The following LRBA variants were observed in gnomAD, a reference collection of about 807,000 sequenced individuals.
LRBA encodes lipopolysaccharide-responsive and beige-like anchor protein.
LRBA carries 176 observed loss-of-function variants against 330.0 expected under a neutral mutation model. The ratio of observed to expected loss-of-function variants is 0.53; its 90% CI spans 0.47 to 0.60. The LOEUF is 0.60. LRBA is among the 20% of genes least tolerant of loss of function. The pLI is 0.00. For missense variants in LRBA, 3,259 were observed against 3,444.8 expected, an observed-to-expected ratio of 0.95 and a Z score of 1.35; for synonymous variants, 1,230 against 1,193.0, an observed-to-expected ratio of 1.03 and a Z score of -0.64.
chr4:150,441,510 A>C (rs1751838563), intron 44 of LRBA, among the ~76,000 whole-genome samples: 1 of 152,122 alleles, frequency 6.6e-6, no homozygotes, highest in South Asian at 2.1e-4. Flanking sequence ...ACTTTGGTCT[A>C]ATATTAGTAA....
intron 47 of LRBA, among the ~76,000 whole-genome samples, chr4:150,392,246 C>T (rs1744081325): frequency 6.6e-6 from 1 of 152,108 alleles, no homozygotes; most frequent in Non-Finnish European, 1.5e-5. Context: ...AATTTTATTT[C>T]CTCACAGTTC....
intron 36 of LRBA, among the ~76,000 whole-genome samples, chr4:150,727,467 T>C (rs1388503847): frequency 1.3e-5 from 2 of 152,004 alleles, no homozygotes; most frequent in African/African-American, 4.8e-5. Flanking sequence ...ATACGTTAGG[T>C]CACAAAACAA....
At chr4:150,665,526 C>G (rs1430501256) in intron 37 of LRBA, among the ~76,000 whole-genome samples, 2 of 152,230 alleles carry the variant, frequency 1.3e-5, no homozygotes, top group East Asian at 3.9e-4. Context: ...ACAGCTCCAT[C>G]ATGCCAAGAA....
At chr4:150,964,362 G>A (rs964947933) in intron 2 of LRBA, among the ~76,000 whole-genome samples, 9 of 149,852 alleles carry the variant, frequency 6.0e-5, no homozygotes, top group Non-Finnish European at 1.2e-4. Context: ...TGATGACGAT[G>A]GCGGTTTTGT....
At chr4:150,884,342 TGA>T (rs1181769577) in intron 17 of LRBA, among the ~76,000 whole-genome samples, 1 of 151,950 alleles carries the variant, frequency 6.6e-6, no homozygotes, top group Non-Finnish European at 1.5e-5. Flanking sequence ...ATAGAAAGAT[TGA>T]GATAAGTACT....
At chr4:150,792,855 C>T (rs1393358128) in intron 34 of LRBA, among the ~76,000 whole-genome samples, 1 of 151,954 alleles carries the variant, frequency 6.6e-6, no homozygotes, top group Non-Finnish European at 1.5e-5. Flanking sequence ...CCTAGGCGGG[C>T]GAATCACCTG....
At chr4:150,917,466 T>C (rs1022065635) in intron 5 of LRBA, among the ~76,000 whole-genome samples, 9 of 152,148 alleles carry the variant, frequency 5.9e-5, no homozygotes, top group African/African-American at 2.2e-4. Flanking sequence ...ACTGGGTATA[T>C]GCTGCTTTTA....
rs374929184 is a variant in LRBA, at chr4:150,871,371, T to C, written c.2341A>G (p.Met781Val). Residue 781 changes from methionine to valine, a missense_variant, in exon 19 of 57, where the codon ATG becomes GTG. By Grantham distance (21) the Met-to-Val change is conservative. Coordinates refer to ENST00000651943, the MANE Select transcript of LRBA (RefSeq NM_001364905.1). ...TCAAACAGCACATTATATGTGGTCA[T>C]TGTGATTAAATTTGTCTGAAGCATG... Reference protein sequence around the residue: ...RLMLQTNLITMTTYNVLFEIL... With the variant: ...RLMLQTNLITVTTYNVLFEIL... 3.7e-6 allele frequency: 6 copies of C among 1,610,096 alleles called. No homozygotes were observed. The highest frequency in any genetic ancestry group is 1.3e-5 in the African/African-American group (1 of 74,882).
In LRBA at chr4:150,410,683, T is replaced by C. The variant is rs568836796; in HGVS notation, c.7194+4755A>G. Among the ~76,000 whole-genome samples the C allele has an allele frequency of 5.3e-5, 8 of 152,302 alleles. No homozygotes were observed. The East Asian group carries it at 1.5e-3, about 29-fold the overall frequency. On this transcript the variant is annotated intron_variant, in intron 47 of 56. Transcript: ENST00000651943. ...AATCTCCAAATAGGGATATTGTCTC[T>C]TATTCATCGAATCTAATAGTGCTGG... is the stretch of plus-strand genomic sequence containing the variant.
intron 48 of LRBA, among the ~76,000 whole-genome samples, chr4:150,333,073 A>T (rs1465347136): frequency 6.6e-6 from 1 of 152,174 alleles, no homozygotes; most frequent in East Asian, 1.9e-4. Flanking sequence ...AAGAAATAAG[A>T]GATAAAAGTA....
chr4:150,995,875 A>C (rs1466290142), intron 2 of LRBA, among the ~76,000 whole-genome samples: 1 of 152,144 alleles, frequency 6.6e-6, no homozygotes, highest in Non-Finnish European at 1.5e-5. Context: ...TTAAATATAG[A>C]AGCCAGAGCA....
At chr4:150,844,583 T>A in intron 27 of LRBA, 75 bp downstream of exon 27, 1 of 1,337,670 alleles carries the variant, frequency 7.5e-7, no homozygotes, top group Non-Finnish European at 1.0e-6. Flanking sequence ...AACTTTATGT[T>A]GAAATGAACA....
At chr4:150,985,499 G>GTT (rs1371910902) in intron 2 of LRBA, among the ~76,000 whole-genome samples, 1 of 142,704 alleles carries the variant, frequency 7.0e-6, no homozygotes, top group Non-Finnish European at 1.5e-5. Flanking sequence ...TTAATATATA[G>GTT]TTTTTTTTTT....
Position 150,868,248 on chromosome 4 carries a change from A to G in LRBA, c.2507T>C (p.Met836Thr), listed in dbSNP as rs1359927823. Reference protein sequence around the residue: ...LRNSPQCPESMEVRRAFLSDM... With the variant: ...LRNSPQCPESTEVRRAFLSDM... ...AGAAAGAAAGGCTCTGCGAACCTCC[A>G]TGCTCTCTGGGCACTGGGGAGAATT... The change falls in exon 21 of 57, where the codon ATG becomes ACG. Residue 836 changes from methionine to threonine, a missense_variant. Transcript: ENST00000651943. The G allele has an allele frequency of 6.2e-7, 1 of 1,612,342 alleles. No homozygotes were observed. Among genetic ancestry groups the G allele is most frequent in the African/African-American group, 1.3e-5 (1 of 74,908 alleles).
rs115862897 is a variant in LRBA, at chr4:150,510,354, C to T, written c.6331-19319G>A. On this transcript the variant is annotated intron_variant, in intron 40 of 56. Transcript: ENST00000651943. ...CCAGAATATTAAAGAGGAAAGAATA[C>T]GTGCCAACTCGTTCTATGAGGTCAG... is the stretch of plus-strand genomic sequence containing the variant. Among the ~76,000 whole-genome samples the T allele has an allele frequency of 8.7e-3, 1,330 of 152,148 alleles. 7 individuals are homozygous for T. The highest frequency in any genetic ancestry group is 0.015 in the Non-Finnish European group (1,025 of 68,024).
chr4:150,373,177 G>GAGAGAGAGAGAC (rs1407517990), intron 47 of LRBA, among the ~76,000 whole-genome samples: 8 of 146,358 alleles, frequency 5.5e-5, no homozygotes, highest in African/African-American at 1.8e-4. Flanking sequence ...GTGTGTGAGA[G>GAGAGAGAGAGAC]AGAGAGAGAG....
intron 31 of LRBA, among the ~76,000 whole-genome samples, chr4:150,810,138 GA>G (rs2126733991): frequency 6.6e-6 from 1 of 152,232 alleles, no homozygotes; most frequent in Non-Finnish European, 1.5e-5. Context: ...GAACTTTCCT[GA>G]AACATGCTTG....
intron 40 of LRBA, among the ~76,000 whole-genome samples, chr4:150,547,603 T>C (rs970627038): frequency 2.6e-5 from 4 of 152,196 alleles, no homozygotes; most frequent in African/African-American, 9.6e-5. Context: ...GCTTTATTTC[T>C]GGTAAGAAGT....
intron 2 of LRBA, among the ~76,000 whole-genome samples, chr4:150,966,855 C>G (rs1738959779): frequency 6.6e-6 from 1 of 152,120 alleles, no homozygotes; most frequent in Admixed American, 6.6e-5. Flanking sequence ...AAAAATAGGG[C>G]TGAAACAAGA....
Sources: gnomAD v4.1 joint callset for allele counts (sites outside exome capture counted in the v4.1 genomes callset) on GRCh38, gnomAD v4.1.1 for gene constraint, MANE v1.5 for transcripts, NCBI Gene and HGNC (gene_info 2026-07-23, HGNC 2026-07-21) for gene names.